DNAH8: variants seen among roughly 807,000 people sequenced by gnomAD.
DNAH8 encodes dynein axonemal heavy chain 8.
A neutral mutation model predicts 562.1 loss-of-function variants in DNAH8; 382 were observed. The ratio of observed to expected loss-of-function variants is 0.68; its 90% CI spans 0.63 to 0.74. The LOEUF (loss-of-function observed/expected upper bound fraction) is 0.74, where lower values mean the gene tolerates loss of function less well. DNAH8 is among the 30% of genes least tolerant of loss of function. The probability of loss-of-function intolerance (pLI) is 0.00; values close to 1 mark genes in which losing one functional copy is unlikely to be tolerated. For synonymous variants in DNAH8, 1,881 were observed against 1,919.4 expected, an observed-to-expected ratio of 0.98 and a Z score of 0.52; for missense variants, 5,203 against 5,620.4, an observed-to-expected ratio of 0.93 and a Z score of 2.37.
At chr6:39,018,414 A>C (rs984387816) in intron 91 of DNAH8, among the ~76,000 whole-genome samples, 1 of 152,142 alleles carries the variant, frequency 6.6e-6, no homozygotes, top group African/African-American at 2.4e-5. Context: ...CTTGGTTTCC[A>C]TCCATGCCCC....
Position 38,923,128 on chromosome 6 carries a change from G to A in DNAH8, c.10733G>A (p.Ser3578Asn), listed in dbSNP as rs1418024215. Residue 3578 changes from serine (S) to asparagine (N), a missense_variant, in exon 72 of 93, where the codon AGT (serine) becomes AAT (asparagine). This residue lies in a region of DNAH8 where 1,399 missense variants were observed against 1,518.4 expected (regional missense o/e 0.92). Transcript: ENST00000327475. ...GCCTCCACTCTCATCGATGGGCTGA[G>A]TGGAGAAAAAATCCGGTGGACCCAG... The part of the protein sequence containing the change: ...QAASTLIDGL[S>N]GEKIRWTQQS... 4 of 1,613,720 alleles carry A rather than the reference G, an allele frequency of 2.5e-6. No individual in the cohort carries two copies. Among genetic ancestry groups the A allele is most frequent in the Non-Finnish European group, 3.4e-6 (4 of 1,179,854 alleles).
In DNAH8 at chr6:39,030,368, G is replaced by T. The variant is rs113990988; in HGVS notation, c.14100G>T (p.Val4700=). 4.7e-4 allele frequency: 760 copies of T among 1,614,012 alleles called. 3 individuals carry two copies. In the African/African-American group the frequency reaches 9.0e-3, roughly 19 times the overall value. The change falls in exon 93 of 93, where the codon GTG becomes GTT. Residue 4700 remains valine (V), a synonymous_variant. Coordinates refer to ENST00000327475, the MANE Select transcript of DNAH8 (RefSeq NM_001206927.2). ...CGGATCACTGGATCCTGAGAGGAGT[G>T]GCCCTTTTGTGTGACATCAAGTAAG... The part of the protein sequence containing the change: ...LSPDHWILRG[V]ALLCDIK
Position 38,853,205 on chromosome 6 carries a change from C to G in DNAH8, c.5591C>G (p.Ala1864Gly), listed in dbSNP as rs773665435. ...EKIVLDNSVM[A>G]KGPVEIWLLD... ...TTTTAGTTGGATAATTCTGTTATGG[C>G]CAAAGGTCCTGTGGAGATTTGGCTA... Residue 1864 changes from alanine (A) to glycine (G), a missense_variant, in exon 41 of 93, where the codon GCC becomes GGC. Coordinates refer to ENST00000327475, the MANE Select transcript of DNAH8 (RefSeq NM_001206927.2). 1.9e-6 allele frequency: 3 copies of G among 1,608,900 alleles called. No homozygotes were observed. Among genetic ancestry groups the G allele is most frequent in the Non-Finnish European group, 1.7e-6 (2 of 1,178,488 alleles).
chr6:38,786,890 G>C lies in DNAH8; in HGVS notation c.2521G>C (p.Glu841Gln). Residue 841 changes from glutamate to glutamine, a missense_variant, in exon 18 of 93, where the codon GAA becomes CAA. Physicochemically the swap from Glu to Gln is conservative, Grantham distance 29. Coordinates refer to ENST00000327475, the MANE Select transcript of DNAH8 (RefSeq NM_001206927.2). ...CMIKMKLDVP[E>Q]QAKRLLKLES... The stretch of plus-strand genomic sequence containing the variant: ...GATAAAAATGAAGTTGGATGTACCA[G>C]AACAGGCAAAGAGATTGCTAAAATT... 2.5e-6 allele frequency: 4 copies of C among 1,613,284 alleles called. No homozygotes were observed. Among genetic ancestry groups the C allele is most frequent in the Non-Finnish European group, 3.4e-6 (4 of 1,179,610 alleles).
chr6:38,973,974 G>A (rs1763511667), intron 84 of DNAH8, among the ~76,000 whole-genome samples, 161 bp downstream of exon 84: 2 of 152,234 alleles, frequency 1.3e-5, no homozygotes, highest in South Asian at 4.1e-4. Context: ...TTGACATCAA[G>A]GTTAGACTGT....
chr6:38,963,182 A>C (rs2150669591), intron 82 of DNAH8, among the ~76,000 whole-genome samples: 1 of 151,904 alleles, frequency 6.6e-6, no homozygotes, highest in East Asian at 1.9e-4. Flanking sequence ...ACAAACAAAG[A>C]AACAAGGATA....
chr6:38,719,136 C>T (rs1417277826), intron 1 of DNAH8, among the ~76,000 whole-genome samples: 1 of 152,142 alleles, frequency 6.6e-6, no homozygotes, highest in African/African-American at 2.4e-5. Context: ...CTGAATTCTT[C>T]AGGAATTCTT....
At chr6:38,881,896 T>C (rs918959924) in intron 53 of DNAH8, among the ~76,000 whole-genome samples, 2 of 152,160 alleles carry the variant, frequency 1.3e-5, no homozygotes, top group African/African-American at 2.4e-5. Context: ...TAGTAAACGG[T>C]TGACTCTTTT....
intron 74 of DNAH8, among the ~76,000 whole-genome samples, chr6:38,927,541 A>G (rs915586779): frequency 1.9e-4 from 29 of 152,122 alleles, no homozygotes; most frequent in African/African-American, 6.3e-4. Context: ...TAGGAGCCAC[A>G]TTTTCAGGGG....
At chr6:38,929,696 AGAAAGAAAGAAAAG>A in intron 75 of DNAH8, 30 bp downstream of exon 75, 1 of 1,487,292 alleles carries the variant, frequency 6.7e-7, no homozygotes, top group Non-Finnish European at 8.9e-7. Context: ...AAAAAAAGAA[AGAAAGAAAGAAAAG>A]AAAAAGAAAA....
chr6:39,010,823 ATGTATG>A (rs1306013959), intron 89 of DNAH8, among the ~76,000 whole-genome samples: 1 of 33,654 alleles, frequency 3.0e-5, no homozygotes. Context: ...ACACACACGT[ATGTATG>A]TATGTATGTA....
At position 38,823,688 on chromosome 6, in the gene DNAH8, G is replaced by T; in HGVS notation, c.3847G>T (p.Glu1283Ter). The change falls in exon 28 of 93, where the codon GAG (glutamate) becomes TAG (stop). Residue 1283 changes from glutamate (E) to a stop codon, truncating the protein, a stop_gained and splice_region_variant. Coordinates refer to ENST00000327475, the MANE Select transcript of DNAH8 (RefSeq NM_001206927.2). LOFTEE classifies it high-confidence loss of function. ...TGTAGGAGCACTTGAATTACATACA[G>T]GTATTTTAAAAATGTTTATTATGTA... The part of the protein sequence containing the change: ...IVVGALELHT[E>*]PMKLALSIEA... 1 of 1,587,622 alleles carries T rather than the reference G, an allele frequency of 6.3e-7. No homozygotes were observed.
At chr6:38,812,261 G>A (rs1247974716) in intron 24 of DNAH8, among the ~76,000 whole-genome samples, 1 of 152,062 alleles carries the variant, frequency 6.6e-6, no homozygotes, top group Non-Finnish European at 1.5e-5. Context: ...CTACTTCATG[G>A]AGATGCTTAC....
chr6:38,818,537 C>CAAAAAAAAAAAAAAAAAAAAAAAAAAAAA lies in DNAH8; in HGVS notation c.3523+2896_3523+2897insAAAAAAAAAAAAAAAAAAAAAAAAAAAAA, dbSNP rs70981590. Among the ~76,000 whole-genome samples the CAAAAAAAAAAAAAAAAAAAAAAAAAAAAA allele has an allele frequency of 3.2e-4, 24 of 75,834 alleles. 1 individual carries two copies. Among genetic ancestry groups the CAAAAAAAAAAAAAAAAAAAAAAAAAAAAA allele is most frequent in the African/African-American group, 7.4e-4 (12 of 16,126 alleles). 49.8% of individuals were successfully genotyped at this position (75,834 alleles called of 152,430 possible). A position where few individuals can be genotyped will look rare whatever the true frequency, so the allele number is the denominator to read the frequency against. ...CAAAATAAGAAAGCAAAAGCAAAAG[C>CAAAAAAAAAAAAAAAAAAAAAAAAAAAAA]AAAAAAAAAAAAAAAAGAAGATATG... is the stretch of plus-strand genomic sequence containing the variant. On this transcript the variant is annotated intron_variant, in intron 26 of 92. Coordinates refer to ENST00000327475, the MANE Select transcript of DNAH8 (RefSeq NM_001206927.2).
chr6:38,976,112 A>G (rs1763655172), intron 85 of DNAH8, among the ~76,000 whole-genome samples: 1 of 152,218 alleles, frequency 6.6e-6, no homozygotes, highest in South Asian at 2.1e-4. Flanking sequence ...AAGGCTGAAT[A>G]TCTCTTAAAA....
At chr6:38,979,769 A>G (rs1763909005) in intron 85 of DNAH8, among the ~76,000 whole-genome samples, 1 of 152,216 alleles carries the variant, frequency 6.6e-6, no homozygotes, top group Admixed American at 6.5e-5. Flanking sequence ...GAGTGTTTCC[A>G]TAGAGTCAAT....
rs1768611114 is a variant in DNAH8, at chr6:38,781,488, T to C, written c.2259+115T>C. 4 of 1,266,674 alleles carry C rather than the reference T, an allele frequency of 3.2e-6. No homozygotes were observed. The East Asian group carries it at 1.0e-4, about 32-fold the overall frequency. The allele number at this position is 1,266,674 out of a possible 1,614,324, so 78.5% of individuals were successfully genotyped here. ...GTAGCCAACAACGAGCCAATTCTTT[T>C]ACCAGGCAAGGAAAATTTAGTTTAT... On this transcript the variant is annotated intron_variant, in intron 16 of 92. Transcript: ENST00000327475.
At chr6:38,924,187 T>C (rs972110857) in intron 73 of DNAH8, 25 bp downstream of exon 73, 2 of 1,607,494 alleles carry the variant, frequency 1.2e-6, no homozygotes, top group Non-Finnish European at 1.7e-6. Context: ...CCCAATGTTA[T>C]TTGAATTTCA....
chr6:38,909,088 A>G (rs1780689941), intron 64 of DNAH8, among the ~76,000 whole-genome samples: 1 of 152,172 alleles, frequency 6.6e-6, no homozygotes, highest in South Asian at 2.1e-4. Flanking sequence ...ACTCTGCCCT[A>G]TACAAGGAAC....
Sources: gnomAD v4.1 joint callset for allele counts (sites outside exome capture counted in the v4.1 genomes callset) on GRCh38, gnomAD v4.1.1 for gene constraint, gnomAD v4.1.1 regional missense constraint, MANE v1.5 for transcripts, NCBI Gene and HGNC (gene_info 2026-07-23, HGNC 2026-07-21) for gene names.